The following PKHD1 variants were observed in gnomAD, a reference collection of about 807,000 sequenced individuals.
The protein encoded by PKHD1 is PKHD1 ciliary IPT domain containing fibrocystin/polyductin, also known as fibrocystin.
In PKHD1, 291 loss-of-function variants were observed where a neutral mutation model predicts 412.0. The observed-to-expected ratio is 0.71, with a 90% CI of 0.64 to 0.78. The LOEUF (loss-of-function observed/expected upper bound fraction) is 0.78, where lower values mean the gene tolerates loss of function less well. Among genes scored for constraint, PKHD1 ranks in the 30% least tolerant of loss-of-function variants. The pLI, the probability that PKHD1 is intolerant of heterozygous loss-of-function variation, is 0.00. For synonymous variants in PKHD1, 1,777 were observed against 1,821.5 expected, an observed-to-expected ratio of 0.98 and a Z score of 0.62; for missense variants, 4,825 against 4,950.7, an observed-to-expected ratio of 0.97 and a Z score of 0.76.
chr6:51,738,174 A>G (rs1784099336), intron 60 of PKHD1, among the ~76,000 whole-genome samples: 1 of 152,176 alleles, frequency 6.6e-6, no homozygotes, highest in African/African-American at 2.4e-5. Context: ...TTCCACCTGC[A>G]CAGCTTCCTG....
chr6:51,967,623 T>C (rs1209022089), intron 35 of PKHD1, among the ~76,000 whole-genome samples: 5 of 151,156 alleles, frequency 3.3e-5, no homozygotes, highest in African/African-American at 1.2e-4. Flanking sequence ...GAAAGGCAAG[T>C]GGAAGTGTGG....
chr6:51,917,165 G>A (rs1026288087), intron 37 of PKHD1, among the ~76,000 whole-genome samples: 1 of 137,896 alleles, frequency 7.3e-6, no homozygotes, highest in African/African-American at 2.7e-5. Context: ...GGGTGGGGGA[G>A]GGAGAGAGGG....
intron 58 of PKHD1, 89 bp downstream of exon 58, chr6:51,747,698 T>G (rs2150979961): frequency 8.6e-7 from 1 of 1,164,940 alleles, no homozygotes; most frequent in South Asian, 1.2e-5. Flanking sequence ...ACAATGTACC[T>G]TTTTGTTGAT....
chr6:51,638,426 G>C (rs1231519886), intron 64 of PKHD1, among the ~76,000 whole-genome samples: 1 of 152,074 alleles, frequency 6.6e-6, no homozygotes, highest in Non-Finnish European at 1.5e-5. Flanking sequence ...TTATTCTGAA[G>C]TGCCAGGATG....
intron 50 of PKHD1, among the ~76,000 whole-genome samples, chr6:51,846,416 G>A (rs1771166593): frequency 6.6e-6 from 1 of 152,074 alleles, no homozygotes; most frequent in African/African-American, 2.4e-5. Flanking sequence ...AAGATCCCCT[G>A]GATTTGACCA....
intron 35 of PKHD1, among the ~76,000 whole-genome samples, chr6:51,984,410 G>GA (rs961686978): frequency 6.6e-6 from 1 of 152,200 alleles, no homozygotes; most frequent in Non-Finnish European, 1.5e-5. Flanking sequence ...GAAGTAAAAT[G>GA]AAAAAGAGGG....
chr6:51,826,661 T>TA (rs1479518189), intron 52 of PKHD1, among the ~76,000 whole-genome samples: 1 of 152,164 alleles, frequency 6.6e-6, no homozygotes, highest in African/African-American at 2.4e-5. Flanking sequence ...CAGATACACT[T>TA]ACTTGTTGAA....
chr6:51,627,293 C>T (rs1193235508), intron 65 of PKHD1, among the ~76,000 whole-genome samples, 177 bp from the exon 66 acceptor site: 1 of 151,898 alleles, frequency 6.6e-6, no homozygotes, highest in East Asian at 1.9e-4. Flanking sequence ...ATACTGACCA[C>T]CAACTTTATG....
chr6:51,773,018 C>T (rs1011834490), intron 54 of PKHD1, among the ~76,000 whole-genome samples: 4 of 151,968 alleles, frequency 2.6e-5, no homozygotes, highest in African/African-American at 4.8e-5. Context: ...AAAAAGAATG[C>T]TACACCACAT....
At chr6:51,882,166 A>G (rs1026164198) in intron 46 of PKHD1, among the ~76,000 whole-genome samples, 8 of 152,224 alleles carry the variant, frequency 5.3e-5, no homozygotes, top group Non-Finnish European at 1.5e-5. Context: ...ACAGCATCAC[A>G]GAATCTAAAT....
intron 63 of PKHD1, among the ~76,000 whole-genome samples, chr6:51,645,331 A>T (rs1769948928): frequency 6.6e-6 from 1 of 152,134 alleles, no homozygotes; most frequent in African/African-American, 2.4e-5. Context: ...TTTTTAAAAA[A>T]TTTTTACCAG....
intron 52 of PKHD1, among the ~76,000 whole-genome samples, chr6:51,822,531 C>G (rs927006168): frequency 2.0e-5 from 3 of 152,158 alleles, no homozygotes; most frequent in Admixed American, 6.5e-5. Flanking sequence ...ATCCTTATAT[C>G]TCTCTGCAAT....
intron 28 of PKHD1, 69 bp downstream of exon 28, chr6:52,035,522 C>T (rs1334711274): frequency 3.0e-6 from 4 of 1,355,464 alleles, no homozygotes; most frequent in Non-Finnish European, 4.2e-6. Flanking sequence ...AGAAGTGATT[C>T]ACTGAAAATG....
chr6:51,743,563 C>CT (rs1784825898), intron 60 of PKHD1, among the ~76,000 whole-genome samples: 1 of 152,074 alleles, frequency 6.6e-6, no homozygotes, highest in Non-Finnish European at 1.5e-5. Context: ...AAGTCATCAG[C>CT]ATTTGATGGT....
chr6:51,866,036 A>AC lies in PKHD1; in HGVS notation c.7733+1826_7733+1827insG, dbSNP rs528204219. ...GTCTGAGAGTCTGCATTTCTAAAAAAAATCCCTGGTGCTGCTGCTGCTGCT... is the reference window on the plus strand; with the variant it reads ...GTCTGAGAGTCTGCATTTCTAAAAAACAATCCCTGGTGCTGCTGCTGCTGCT... On this transcript the variant is annotated intron_variant, in intron 48 of 66. Coordinates refer to ENST00000371117, the MANE Select transcript of PKHD1 (RefSeq NM_138694.4). Among the ~76,000 whole-genome samples the AC allele has an allele frequency of 5.5e-3, 832 of 151,572 alleles. 4 individuals are homozygous for AC. Among genetic ancestry groups the AC allele is most frequent in the African/African-American group, 0.017 (723 of 41,368 alleles).
At chr6:51,993,514 G>A (rs1433286265) in intron 35 of PKHD1, among the ~76,000 whole-genome samples, 2 of 152,118 alleles carry the variant, frequency 1.3e-5, no homozygotes, top group East Asian at 3.8e-4. Context: ...ATTATACACA[G>A]ATGCAAAAAA....
intron 48 of PKHD1, among the ~76,000 whole-genome samples, chr6:51,861,722 TAA>T (rs1241359951): frequency 6.6e-6 from 1 of 152,254 alleles, no homozygotes; most frequent in Non-Finnish European, 1.5e-5. Flanking sequence ...ATTGTATCAT[TAA>T]GTTTTTCCAT....
chr6:51,776,717 T>C (rs534870705), intron 53 of PKHD1, among the ~76,000 whole-genome samples: 6 of 152,088 alleles, frequency 3.9e-5, no homozygotes, highest in Non-Finnish European at 7.4e-5. Flanking sequence ...GATCTGTTTA[T>C]GCTAAGTGTT....
At chr6:51,971,708 TTTTTGTTTTGTTTTGTTTTG>T (rs141477157) in intron 35 of PKHD1, among the ~76,000 whole-genome samples, 25 of 149,524 alleles carry the variant, frequency 1.7e-4, no homozygotes, top group African/African-American at 4.0e-4. Flanking sequence ...TTTTTTTTGC[TTTTTGTTTTGTTTTGTTTTG>T]TTTTGTTTTG....
Sources: allele counts gnomAD v4.1 joint callset (sites outside exome capture counted in the v4.1 genomes callset), GRCh38; gene constraint gnomAD v4.1.1; transcripts MANE v1.5; gene names NCBI Gene and HGNC (gene_info 2026-07-23, HGNC 2026-07-21).